Variants in CCDC171 observed in about 807,000 individuals in gnomAD.
CCDC171 encodes coiled-coil domain-containing protein 171.
Under a neutral mutation model 168.2 loss-of-function variants are expected in CCDC171, and 177 were observed. That is an observed-to-expected ratio of 1.05 (90% CI 0.93 to 1.19). The LOEUF (loss-of-function observed/expected upper bound fraction) is 1.19. Among genes scored for constraint, CCDC171 ranks in the 50% most tolerant of loss-of-function variants. The probability of loss-of-function intolerance (pLI) is 0.00; values close to 1 mark genes in which losing one functional copy is unlikely to be tolerated. For missense variants in CCDC171, 1,991 were observed against 1,539.0 expected, an observed-to-expected ratio of 1.29 and a Z score of -4.91; for synonymous variants, 687 against 540.8, an observed-to-expected ratio of 1.27 and a Z score of -3.75.
Position 15,820,417 on chromosome 9 carries a change from A to G in CCDC171, c.3268-26285A>G, listed in dbSNP as rs370441130. Reference sequence around the variant, plus strand: ...GAATCCAGGAGCTGGTTTTTTGAAAAGATCAACAAAATTGATAGACCACTA... The same window carrying G: ...GAATCCAGGAGCTGGTTTTTTGAAAGGATCAACAAAATTGATAGACCACTA... On this transcript the variant is annotated intron_variant, in intron 21 of 25. Transcript: ENST00000380701. Among the ~76,000 whole-genome samples, 40 of 115,548 alleles carry G rather than the reference A, an allele frequency of 3.5e-4. 8 individuals are homozygous for G. In the East Asian group the frequency reaches 7.9e-3, roughly 23 times the overall value. 75.8% of individuals were successfully genotyped at this position (115,548 alleles called of 152,430 possible).
intron 25 of CCDC171, among the ~76,000 whole-genome samples, chr9:15,961,223 C>G (rs1042645573): frequency 1.3e-5 from 2 of 152,046 alleles, no homozygotes; most frequent in Admixed American, 6.6e-5. Flanking sequence ...CATATTGCTA[C>G]GAGGTCTAAG....
intron 16 of CCDC171, among the ~76,000 whole-genome samples, chr9:15,739,003 C>T (rs1033840854): frequency 1.3e-5 from 2 of 152,092 alleles, no homozygotes; most frequent in Non-Finnish European, 2.9e-5. Context: ...CTGTGACAGA[C>T]ACTATAGTAA....
chr9:15,554,023 C>CT (rs143936791), intron 1 of CCDC171, among the ~76,000 whole-genome samples: 67,200 of 143,202 alleles, frequency 0.47, 16,033 homozygotes, highest in East Asian at 0.71. Flanking sequence ...GATTTTGTCA[C>CT]TTTTTTTTTT....
At chr9:15,898,555 C>T (rs1984246) in intron 24 of CCDC171, among the ~76,000 whole-genome samples, 9 of 151,858 alleles carry the variant, frequency 5.9e-5, no homozygotes, top group East Asian at 1.9e-4. Flanking sequence ...TGCCTTTGCC[C>T]GCTAAATCAG....
At chr9:15,878,479 C>A (rs1033992880) in intron 24 of CCDC171, among the ~76,000 whole-genome samples, 30 of 152,016 alleles carry the variant, frequency 2.0e-4, no homozygotes, top group Non-Finnish European at 1.2e-4. Context: ...CAAAAAATAA[C>A]AGATGCTGAT....
intron 18 of CCDC171, among the ~76,000 whole-genome samples, chr9:15,772,032 C>G (rs944686779): frequency 6.6e-6 from 1 of 152,130 alleles, no homozygotes; most frequent in Non-Finnish European, 1.5e-5. Context: ...CGGGGTTTCT[C>G]TGTGTTGGCC....
intron 4 of CCDC171, among the ~76,000 whole-genome samples, chr9:15,580,167 T>G (rs973108448): frequency 5.3e-5 from 8 of 152,192 alleles, no homozygotes; most frequent in Admixed American, 2.0e-4. Context: ...GCAAGCCACA[T>G]GTAGAAGAGT....
chr9:15,984,938 T>C (rs940242885), intron 3 of CCDC171, among the ~76,000 whole-genome samples: 1 of 152,146 alleles, frequency 6.6e-6, no homozygotes, highest in Non-Finnish European at 1.5e-5. Context: ...TATTTCTATA[T>C]GAAAGTTTTG....
At chr9:15,649,206 T>C (rs2047299813) in intron 7 of CCDC171, among the ~76,000 whole-genome samples, 1 of 152,206 alleles carries the variant, frequency 6.6e-6, no homozygotes, top group Non-Finnish European at 1.5e-5. Flanking sequence ...TGTAGAAAGC[T>C]GAAGCTGGAT....
chr9:15,842,952 G>T (rs2060745602), intron 21 of CCDC171, among the ~76,000 whole-genome samples: 1 of 151,780 alleles, frequency 6.6e-6, no homozygotes, highest in Non-Finnish European at 1.5e-5. Context: ...AAATGTGTGG[G>T]TCATTTAATA....
chr9:15,700,493 T>C (rs576272872), intron 11 of CCDC171, among the ~76,000 whole-genome samples: 30 of 152,336 alleles, frequency 2.0e-4, no homozygotes, highest in African/African-American at 6.7e-4. Flanking sequence ...GCTCCCACAG[T>C]GCAGCGGTGG....
Position 15,745,504 on chromosome 9 carries a change from C to T in CCDC171, c.2555-11C>T. 2 of 1,503,584 alleles carry T rather than the reference C, an allele frequency of 1.3e-6. No individual in the cohort carries two copies. Among genetic ancestry groups the T allele is most frequent in the South Asian group, 1.3e-5 (1 of 77,850 alleles). 93.1% of individuals were successfully genotyped at this position (1,503,584 alleles called of 1,614,324 possible). A position where few individuals can be genotyped will look rare whatever the true frequency, so the allele number is the denominator to read the frequency against. ...TGTAGAATTTTACAATGGATTTTTT[C>T]AATTTTATAGAACATCAAAAGGAGC... On this transcript the variant is annotated splice_polypyrimidine_tract_variant and intron_variant, in intron 17 of 25. Transcript: ENST00000380701.
intron 3 of CCDC171, among the ~76,000 whole-genome samples, chr9:16,020,131 C>T (rs10962258): frequency 2.6e-5 from 4 of 152,098 alleles, no homozygotes; most frequent in African/African-American, 4.8e-5. Flanking sequence ...TCTTGAGCAT[C>T]GACATGATGC....
chr9:15,801,520 G>A (rs1250720262), intron 21 of CCDC171, among the ~76,000 whole-genome samples: 2 of 152,018 alleles, frequency 1.3e-5, no homozygotes, highest in Non-Finnish European at 2.9e-5. Flanking sequence ...TTTTGGTGGA[G>A]TTTTTAGGTT....
chr9:15,677,174 C>T (rs2049641690), intron 9 of CCDC171, among the ~76,000 whole-genome samples: 1 of 152,054 alleles, frequency 6.6e-6, no homozygotes, highest in African/African-American at 2.4e-5. Flanking sequence ...TTTCTCTGGA[C>T]TCCTTTATAT....
At chr9:15,922,242 A>G in intron 25 of CCDC171, 1 of 336,320 alleles carries the variant, frequency 3.0e-6, no homozygotes. Flanking sequence ...CCATGTCTTG[A>G]CAGGATGTGT....
chr9:16,058,503 G>C (rs959589264), intron 1 of CCDC171, among the ~76,000 whole-genome samples: 2 of 152,226 alleles, frequency 1.3e-5, no homozygotes, highest in African/African-American at 4.8e-5. Context: ...ACGGGGGCCT[G>C]TTCCTTTGCC....
At chr9:15,634,713 A>C (rs1335346484) in intron 7 of CCDC171, among the ~76,000 whole-genome samples, 1 of 152,184 alleles carries the variant, frequency 6.6e-6, no homozygotes, top group Non-Finnish European at 1.5e-5. Context: ...TTTTTAGTGT[A>C]TTCACAGCAT....
intron 21 of CCDC171, among the ~76,000 whole-genome samples, chr9:15,825,799 T>G (rs1423796037): frequency 1.3e-5 from 2 of 152,170 alleles, no homozygotes; most frequent in African/African-American, 4.8e-5. Flanking sequence ...GTCAAATGAT[T>G]TATTTCAAGT....
Sources: allele counts gnomAD v4.1 joint callset (sites outside exome capture counted in the v4.1 genomes callset), GRCh38; gene constraint gnomAD v4.1.1; transcripts MANE v1.5; gene names NCBI Gene and HGNC (gene_info 2026-07-23, HGNC 2026-07-21).